The following L3MBTL4 variants were observed in gnomAD, a reference collection of about 807,000 sequenced individuals.
The protein encoded by L3MBTL4 is L3MBTL histone methyl-lysine binding protein 4.
Under a neutral mutation model 84.5 loss-of-function variants are expected in L3MBTL4, and 70 were observed. The observed-to-expected ratio is 0.83, with a 90% CI of 0.68 to 1.01. The LOEUF is 1.01. Among genes scored for constraint, L3MBTL4 ranks in the 50% least tolerant of loss-of-function variants. The probability of loss-of-function intolerance (pLI) is 0.00; values close to 1 mark genes in which losing one functional copy is unlikely to be tolerated. For synonymous variants in L3MBTL4, 274 were observed against 259.8 expected (o/e 1.05, Z -0.52); for missense variants, 715 against 754.8 (o/e 0.95, Z 0.62).
chr18:5,958,920 A>G (rs2144631107), intron 18 of L3MBTL4, among the ~76,000 whole-genome samples: 1 of 152,326 alleles, frequency 6.6e-6, no homozygotes, highest in South Asian at 2.1e-4. Flanking sequence ...GACAGACTTG[A>G]GGACAAAGCA....
chr18:6,318,515 A>AAAAAAAAAAAAC (rs2051231757), intron 1 of L3MBTL4, among the ~76,000 whole-genome samples: 1 of 147,198 alleles, frequency 6.8e-6, no homozygotes, highest in Non-Finnish European at 1.5e-5. Context: ...AAAAAAAAAA[A>AAAAAAAAAAAAC]AAAAAAAAAA....
At chr18:5,962,292 A>T (rs748234603) in intron 17 of L3MBTL4, among the ~76,000 whole-genome samples, 1 of 152,200 alleles carries the variant, frequency 6.6e-6, no homozygotes, top group Non-Finnish European at 1.5e-5. Flanking sequence ...TTGGATTCAT[A>T]GTATTTCCAC....
At chr18:6,164,418 G>C (rs1034323418) in intron 13 of L3MBTL4, among the ~76,000 whole-genome samples, 8 of 152,208 alleles carry the variant, frequency 5.3e-5, no homozygotes, top group South Asian at 2.1e-4. Context: ...AGCCTAACTG[G>C]GAGGCACCCC....
At chr18:6,095,390 C>T (rs2058603645) in intron 14 of L3MBTL4, among the ~76,000 whole-genome samples, 1 of 141,984 alleles carries the variant, frequency 7.0e-6, no homozygotes, top group South Asian at 2.2e-4. Flanking sequence ...CTCCGTCGCC[C>T]AGGCTGGAGT....
intron 4 of L3MBTL4, among the ~76,000 whole-genome samples, chr18:6,291,672 A>G (rs1352681926): frequency 6.6e-6 from 1 of 152,202 alleles, no homozygotes; most frequent in Non-Finnish European, 1.5e-5. Context: ...CTGGACCCGT[A>G]TCTCTCACCA....
intron 5 of L3MBTL4, among the ~76,000 whole-genome samples, chr18:6,262,270 T>A (rs1250998805): frequency 6.6e-6 from 1 of 152,166 alleles, no homozygotes; most frequent in Non-Finnish European, 1.5e-5. Flanking sequence ...TGAGCTACAC[T>A]GAACTGCCCT....
At chr18:6,200,485 G>A (rs1015376472) in intron 12 of L3MBTL4, among the ~76,000 whole-genome samples, 2 of 152,190 alleles carry the variant, frequency 1.3e-5, no homozygotes, top group South Asian at 2.1e-4. Flanking sequence ...TTTAAGAGAA[G>A]GAGGTTATTA....
intron 1 of L3MBTL4, chr18:6,374,441 T>C (rs886974366): frequency 6.5e-6 from 1 of 154,810 alleles, no homozygotes; most frequent in Non-Finnish European, 1.5e-5. Context: ...CAAGGCAACA[T>C]TGAGGTCTAC....
chr18:6,379,928 C>T (rs1447326242), intron 1 of L3MBTL4, among the ~76,000 whole-genome samples: 1 of 152,180 alleles, frequency 6.6e-6, no homozygotes, highest in Non-Finnish European at 1.5e-5. Flanking sequence ...TAGAATTCAG[C>T]TGTGAATCCG....
chr18:6,295,719 C>T (rs576151352), intron 4 of L3MBTL4, among the ~76,000 whole-genome samples: 7 of 152,014 alleles, frequency 4.6e-5, no homozygotes, highest in Non-Finnish European at 1.0e-4. Context: ...AGAAAGAAGT[C>T]CCCTGTTAAT....
Position 6,031,902 on chromosome 18 carries a change from T to C in L3MBTL4, c.1444+48979A>G, listed in dbSNP as rs2055820492. On this transcript the variant is annotated intron_variant, in intron 16 of 18. Transcript: ENST00000317931. ...TGCATAGTGATGAAGCCTGGGCTTTTAGAGTAATGGTCACCTGCATTGTGT... is the reference window on the plus strand; with the variant it reads ...TGCATAGTGATGAAGCCTGGGCTTTCAGAGTAATGGTCACCTGCATTGTGT... 5 of 898,630 alleles carry C rather than the reference T, an allele frequency of 5.6e-6. No individual in the cohort carries two copies. In the South Asian group the frequency reaches 2.0e-4, roughly 37 times the overall value. 55.7% of individuals were successfully genotyped at this position (898,630 alleles called of 1,614,324 possible).
In L3MBTL4 at chr18:6,090,747, C is replaced by T. The variant is rs538299373; in HGVS notation, c.1373+2608G>A. Among the ~76,000 whole-genome samples the T allele has an allele frequency of 2.6e-3, 395 of 150,974 alleles. 1 individual carries two copies. Among genetic ancestry groups the T allele is most frequent in the Middle Eastern group, 6.9e-3 (2 of 290 alleles). On this transcript the variant is annotated intron_variant, in intron 15 of 18. Transcript: ENST00000317931. ...TCAAGTGATCCTCCCACCTCAGCCT[C>T]CTGAGTAGCTGGGACTACAGGCACA...
intron 16 of L3MBTL4, among the ~76,000 whole-genome samples, chr18:6,018,817 T>C (rs2055116940): frequency 1.3e-5 from 2 of 152,186 alleles, no homozygotes; most frequent in Non-Finnish European, 2.9e-5. Context: ...AGATTCTGAT[T>C]AGCACAGGAA....
chr18:6,128,036 G>A (rs200363801), intron 14 of L3MBTL4, among the ~76,000 whole-genome samples: 69 of 135,018 alleles, frequency 5.1e-4, no homozygotes, highest in Admixed American at 3.1e-3. Flanking sequence ...TATTGGGTGG[G>A]GCGGGGGAAG....
chr18:6,305,445 C>T (rs1476469545), intron 3 of L3MBTL4, among the ~76,000 whole-genome samples: 1 of 152,156 alleles, frequency 6.6e-6, no homozygotes, highest in Non-Finnish European at 1.5e-5. Flanking sequence ...TAAATCTACA[C>T]TGCTATTAAT....
chr18:6,340,215 T>G (rs1255749700), intron 1 of L3MBTL4, among the ~76,000 whole-genome samples: 1 of 152,190 alleles, frequency 6.6e-6, no homozygotes, highest in East Asian at 1.9e-4. Context: ...GCCCTCATAC[T>G]GCCACAAAAA....
intron 1 of L3MBTL4, among the ~76,000 whole-genome samples, chr18:6,391,875 C>T (rs394272): frequency 0.51 from 77,868 of 151,230 alleles, 20,028 homozygotes; most frequent in East Asian, 0.59. Context: ...AATGGAAACA[C>T]ATCACATGCT....
intron 16 of L3MBTL4, among the ~76,000 whole-genome samples, chr18:6,071,761 A>AAAAGAAGGAAAGAAAG (rs2057638257): frequency 1.1e-5 from 1 of 92,156 alleles, no homozygotes. Flanking sequence ...AAGAAAGAAA[A>AAAAGAAGGAAAGAAAG]AAAGAAAGAA....
chr18:6,072,811 G>A (rs1387483801), intron 16 of L3MBTL4, among the ~76,000 whole-genome samples: 2 of 136,662 alleles, frequency 1.5e-5, no homozygotes, highest in African/African-American at 5.5e-5. Context: ...AGCCCAGATC[G>A]TGCCACTGCA....
Sources: allele counts gnomAD v4.1 joint callset (sites outside exome capture counted in the v4.1 genomes callset), GRCh38; gene constraint gnomAD v4.1.1; transcripts MANE v1.5; gene names NCBI Gene and HGNC (gene_info 2026-07-23, HGNC 2026-07-21).